The following MYO1H variants were observed in gnomAD, a reference collection of about 807,000 sequenced individuals.
MYO1H encodes the protein myosin IH.
MYO1H carries 118 observed loss-of-function variants against 149.3 expected under a neutral mutation model. The ratio of observed to expected loss-of-function variants is 0.79; its 90% CI spans 0.68 to 0.92. The LOEUF (loss-of-function observed/expected upper bound fraction) is 0.92. Among genes scored for constraint, MYO1H ranks in the 40% least tolerant of loss-of-function variants. The pLI, the probability that MYO1H is intolerant of heterozygous loss-of-function variation, is 0.00. For missense variants in MYO1H, 1,212 were observed against 1,280.7 expected, an observed-to-expected ratio of 0.95 and a Z score of 0.82; for synonymous variants, 447 against 465.2, an observed-to-expected ratio of 0.96 and a Z score of 0.50.
chr12:109,395,366 G>A (rs1869845329), intron 3 of MYO1H, among the ~76,000 whole-genome samples: 2 of 152,168 alleles, frequency 1.3e-5, no homozygotes, highest in Admixed American at 6.5e-5. Flanking sequence ...ACGTCTCTTG[G>A]AGATGTAACT....
rs1218889155 is a variant in MYO1H, at chr12:109,443,094, A to G, written c.2689-420A>G. Reference sequence around the variant, plus strand: ...TATATATGTGTACGTATGTGTGTATATATGTGTACGTATATGTGTGTATAT... The same window carrying G: ...TATATATGTGTACGTATGTGTGTATGTATGTGTACGTATATGTGTGTATAT... On this transcript the variant is annotated intron_variant, in intron 27 of 31. Transcript: ENST00000310903. Among the ~76,000 whole-genome samples the G allele has an allele frequency of 3.6e-5, 3 of 82,532 alleles. 1 individual carries two copies. Among genetic ancestry groups the G allele is most frequent in the African/African-American group, 1.4e-4 (3 of 21,894 alleles). 54.1% of individuals were successfully genotyped at this position (82,532 alleles called of 152,430 possible).
At chr12:109,322,048 TG>T in the MYO1H span, among the ~76,000 whole-genome samples, 643 of 152,178 alleles carry the variant, frequency 4.2e-3, 4 homozygotes, top group African/African-American at 0.014. Flanking sequence ...TATCTATCCT[TG>T]GGGAAGTGGA....
At chr12:109,424,339 AG>A (rs1328114479) in intron 16 of MYO1H, among the ~76,000 whole-genome samples, 1 of 152,078 alleles carries the variant, frequency 6.6e-6, no homozygotes, top group East Asian at 1.9e-4. Context: ...TTCTTTGTAA[AG>A]ATGAGGTTTT....
the MYO1H span, among the ~76,000 whole-genome samples, chr12:109,314,578 G>GCTGTCC: frequency 1.3e-5 from 2 of 152,142 alleles, no homozygotes; most frequent in Non-Finnish European, 2.9e-5. Flanking sequence ...AAGTCTCAAA[G>GCTGTCC]CTGTCCCTCC....
chr12:109,425,192 G>T (rs529364776), intron 17 of MYO1H, among the ~76,000 whole-genome samples: 1 of 152,312 alleles, frequency 6.6e-6, no homozygotes, highest in South Asian at 2.1e-4. Flanking sequence ...CAATTAGCCA[G>T]GTGCAGTGGT....
chr12:109,437,857 G>A (rs918033215), intron 22 of MYO1H, among the ~76,000 whole-genome samples: 6 of 152,094 alleles, frequency 3.9e-5, no homozygotes, highest in South Asian at 4.1e-4. Flanking sequence ...GGAGGCTGAC[G>A]TGGGCAGATA....
chr12:109,435,232 A>T, intron 21 of MYO1H, 119 bp downstream of exon 21: 1 of 637,616 alleles, frequency 1.6e-6, no homozygotes, highest in East Asian at 2.8e-5. Flanking sequence ...TTTGGAAACT[A>T]GGAACGAGAT....
chr12:109,433,129 G>A (rs949989660), intron 20 of MYO1H, 119 bp downstream of exon 20: 4 of 795,592 alleles, frequency 5.0e-6, no homozygotes, highest in South Asian at 1.5e-5. Context: ...GGAGATTTGC[G>A]AGATTTATGC....
intron 1 of MYO1H, among the ~76,000 whole-genome samples, chr12:109,351,421 C>T (rs140830732): frequency 3.3e-5 from 5 of 152,246 alleles, no homozygotes; most frequent in East Asian, 3.9e-4. Context: ...ACAGTTTCAC[C>T]GCAGACACTT....
At chr12:109,364,937 A>G (rs1222270615) in intron 1 of MYO1H, among the ~76,000 whole-genome samples, 2 of 152,120 alleles carry the variant, frequency 1.3e-5, no homozygotes, top group Non-Finnish European at 2.9e-5. Context: ...TGCTGATTTA[A>G]TTTGCATACA....
exon 23 of MYO1H, chr12:109,438,553 C>T (rs1871971027): frequency 3.7e-6 from 6 of 1,613,290 alleles, no homozygotes; most frequent in Non-Finnish European, 5.1e-6. Flanking sequence ...ACTGGAAGCC[C>T]ACTGGCGTGG....
chr12:109,340,625 A>G, the MYO1H span, among the ~76,000 whole-genome samples: 1 of 152,250 alleles, frequency 6.6e-6, no homozygotes, highest in Non-Finnish European at 1.5e-5. Context: ...TAAAAGAAAC[A>G]AATTCAAAAT....
intron 1 of MYO1H, among the ~76,000 whole-genome samples, chr12:109,379,366 C>T (rs986451585): frequency 7.2e-5 from 11 of 152,156 alleles, no homozygotes; most frequent in African/African-American, 2.4e-4. Context: ...TGTATATGCT[C>T]CAGTTGTTGG....
At chr12:109,399,584 T>A (rs1870072244) in intron 5 of MYO1H, among the ~76,000 whole-genome samples, 1 of 113,578 alleles carries the variant, frequency 8.8e-6, no homozygotes, top group Non-Finnish European at 1.7e-5. Context: ...AGAGTGAGAC[T>A]CTGTCTCAAA....
chr12:109,332,962 C>T, the MYO1H span, among the ~76,000 whole-genome samples: 1 of 151,964 alleles, frequency 6.6e-6, no homozygotes, highest in African/African-American at 2.4e-5. Flanking sequence ...ATATGCAGGT[C>T]GACATAATTT....
the MYO1H span, among the ~76,000 whole-genome samples, chr12:109,329,486 C>T: frequency 6.6e-6 from 1 of 152,138 alleles, no homozygotes. Context: ...CTGGAAAGAA[C>T]AGATTAACCA....
intron 16 of MYO1H, among the ~76,000 whole-genome samples, chr12:109,422,559 C>T (rs956417932): frequency 6.6e-5 from 10 of 152,302 alleles, no homozygotes; most frequent in African/African-American, 2.4e-4. Flanking sequence ...CCTCTGGGGT[C>T]ATGGCCGTCA....
the MYO1H span, among the ~76,000 whole-genome samples, chr12:109,329,554 C>T: frequency 6.6e-6 from 1 of 152,112 alleles, no homozygotes; most frequent in African/African-American, 2.4e-5. Flanking sequence ...GTGAGCTAGC[C>T]TTTTGTTACT....
chr12:109,312,381 T>TTTTGTTTTG, the MYO1H span, among the ~76,000 whole-genome samples: 2 of 150,856 alleles, frequency 1.3e-5, no homozygotes, highest in Non-Finnish European at 2.9e-5. Context: ...CCCAGCTAAT[T>TTTTGTTTTG]TTTTGTTTTG....
Sources: allele counts gnomAD v4.1 joint callset (sites outside exome capture counted in the v4.1 genomes callset), GRCh38; gene constraint gnomAD v4.1.1; transcripts MANE v1.5; gene names NCBI Gene and HGNC (gene_info 2026-07-23, HGNC 2026-07-21).